Variants in ZMYND19 observed in about 807,000 individuals in gnomAD.
The protein encoded by ZMYND19 is zinc finger MYND domain-containing protein 19.
A neutral mutation model predicts 32.0 loss-of-function variants in ZMYND19; 17 were observed. The observed-to-expected ratio is 0.53, with a 90% CI of 0.36 to 0.80. ZMYND19 has a LOEUF of 0.80. ZMYND19 is among the 30% of genes least tolerant of loss of function. The probability of loss-of-function intolerance (pLI) is 0.00; values close to 1 mark genes in which losing one functional copy is unlikely to be tolerated. For synonymous variants in ZMYND19, 124 were observed against 113.6 expected, an observed-to-expected ratio of 1.09 and a Z score of -0.58; for missense variants, 250 against 293.6, an observed-to-expected ratio of 0.85 and a Z score of 1.09.
At chr9:137,588,065 G>A (rs1006209475) in intron 2 of ZMYND19, among the ~76,000 whole-genome samples, 1 of 152,196 alleles carries the variant, frequency 6.6e-6, no homozygotes, top group Non-Finnish European at 1.5e-5. Flanking sequence ...AAAATACAAT[G>A]GGACATAGAC....
In ZMYND19 at chr9:137,587,917, C is replaced by T. The variant is rs1842224612; in HGVS notation, c.112-94G>A. The T allele has an allele frequency of 3.2e-6, 4 of 1,268,098 alleles. No homozygotes were observed. The East Asian group carries it at 9.3e-5, about 29-fold the overall frequency. The allele number at this position is 1,268,098 out of a possible 1,614,324, so 78.6% of individuals were successfully genotyped here. A position where few individuals can be genotyped will look rare whatever the true frequency, so the allele number is the denominator to read the frequency against. On this transcript the variant is annotated intron_variant, in intron 2 of 5. Transcript: ENST00000298585. ...AGAAAAACCAAGTGAAACAAGCAAG[C>T]CAGAGGGACAAATGCCAGCCCTGTC...
rs1260824509 is a variant in ZMYND19, at chr9:137,590,046, ACCCGCGCGGGGCCAGCAGCCGGG to A, written c.51+144_51+166del. 13 of 983,640 alleles carry A rather than the reference ACCCGCGCGGGGCCAGCAGCCGGG, an allele frequency of 1.3e-5. No homozygotes were observed. Among genetic ancestry groups the A allele is most frequent in the Non-Finnish European group, 1.3e-5 (11 of 829,348 alleles). The allele number at this position is 983,640 out of a possible 1,614,324, so 60.9% of individuals were successfully genotyped here. On this transcript the variant is annotated intron_variant, in intron 1 of 5. Coordinates refer to ENST00000298585, the MANE Select transcript of ZMYND19 (RefSeq NM_138462.3). This position sits in a 1 kb window ranked among gnomAD's most constrained non-coding sequence, Gnocchi z 4.2. The stretch of plus-strand genomic sequence containing the variant: ...CCGCCGGCCTGCGAGAGGAAGCTGC[ACCCGCGCGGGGCCAGCAGCCGGG>A]CCCGCGCAGCGTCCCCCGCCCCGCT...
At chr9:137,582,853 G>A (rs1196306982) in intron 5 of ZMYND19, 130 bp downstream of exon 5, 12 of 1,508,578 alleles carry the variant, frequency 8.0e-6, no homozygotes, top group Non-Finnish European at 1.1e-5. Context: ...GACCACTCTG[G>A]TGGAAAAGCC....
In ZMYND19 at chr9:137,590,252, GA is replaced by G; in HGVS notation, c.11del (p.Phe4SerfsTer19). The part of the protein sequence containing the change: MTD[F>X]KLGIVRLGRV... ...GGCCGAGCCGCACGATACCCAATTT[GA>G]AGTCGGTCATGGCCGGGCCTGCGCT... On this transcript the variant is annotated frameshift_variant, in exon 1 of 6. Transcript: ENST00000298585. LOFTEE classifies it high-confidence loss of function. This position sits in a 1 kb window ranked among gnomAD's most constrained non-coding sequence, Gnocchi z 4.2. 1 of 1,157,656 alleles carries G rather than the reference GA, an allele frequency of 8.6e-7. No individual in the cohort carries two copies. The highest frequency in any genetic ancestry group is 1.1e-6 in the Non-Finnish European group (1 of 924,052). 71.7% of individuals were successfully genotyped at this position (1,157,656 alleles called of 1,614,324 possible).
At chr9:137,589,221 G>A (rs1421240225) in intron 1 of ZMYND19, 1 of 446,884 alleles carries the variant, frequency 2.2e-6, no homozygotes, top group Non-Finnish European at 3.0e-6. Context: ...CATGGGTGGA[G>A]TTAGAAGGGG....
At chr9:137,587,517 A>C (rs1406468848) in intron 3 of ZMYND19, 200 bp downstream of exon 3, 1 of 615,932 alleles carries the variant, frequency 1.6e-6, no homozygotes, top group East Asian at 2.7e-5. Context: ...CTCCCAGCAG[A>C]AAGTCCACTT....
chr9:137,586,026 T>G (rs1245319705), intron 4 of ZMYND19, among the ~76,000 whole-genome samples: 1 of 152,206 alleles, frequency 6.6e-6, no homozygotes, highest in Non-Finnish European at 1.5e-5. Flanking sequence ...TGCTGGTCCC[T>G]TGGCTCTTCC....
At position 137,582,491 on chromosome 9, in the gene ZMYND19, T is replaced by C. The variant is rs1842157821; in HGVS notation, c.*52A>G. 8.2e-6 allele frequency: 13 copies of C among 1,581,402 alleles called. No homozygotes were observed. Among genetic ancestry groups the C allele is most frequent in the Non-Finnish European group, 1.1e-5 (13 of 1,163,076 alleles). On this transcript the variant is annotated 3_prime_UTR_variant, in exon 6 of 6. Transcript: ENST00000298585. ...GGTTCAACCACCAGTCTGTCTCTGC[T>C]GTGCCCAGGGTAGAGCCCGGGGGCT...
Position 137,588,648 on chromosome 9 carries a change from T to A in ZMYND19, c.111+11A>T. The A allele has an allele frequency of 1.9e-6, 3 of 1,614,136 alleles. No individual in the cohort carries two copies. Among genetic ancestry groups the A allele is most frequent in the Non-Finnish European group, 2.5e-6 (3 of 1,179,974 alleles). ...CGAGCATCAGGGGAGGGAACAGCCA[T>A]CCTTACTTACCTCAAAGGAGTAGCT... On this transcript the variant is annotated intron_variant, in intron 2 of 5. Coordinates refer to ENST00000298585, the MANE Select transcript of ZMYND19 (RefSeq NM_138462.3).
chr9:137,586,015 C>T (rs1842200158), intron 4 of ZMYND19, among the ~76,000 whole-genome samples: 1 of 152,244 alleles, frequency 6.6e-6, no homozygotes, highest in Non-Finnish European at 1.5e-5. Context: ...AACCCCTATC[C>T]TGCTGGTCCC....
intron 2 of ZMYND19, among the ~76,000 whole-genome samples, chr9:137,588,219 G>A (rs1421002049): frequency 6.6e-6 from 1 of 152,234 alleles, no homozygotes; most frequent in Non-Finnish European, 1.5e-5. Context: ...TGGAAGCTGG[G>A]AAGAGGCAGG....
chr9:137,590,039 A>C lies in ZMYND19; in HGVS notation c.51+174T>G. The C allele has an allele frequency of 8.1e-6, 8 of 984,158 alleles. No individual in the cohort carries two copies. The highest frequency in any genetic ancestry group is 9.6e-6 in the Non-Finnish European group (8 of 829,482). 61.0% of individuals were successfully genotyped at this position (984,158 alleles called of 1,614,324 possible). ...TGCGTGCCCGCCGGCCTGCGAGAGG[A>C]AGCTGCACCCGCGCGGGGCCAGCAG... On this transcript the variant is annotated intron_variant, in intron 1 of 5. Transcript: ENST00000298585. This position sits in a 1 kb window ranked among gnomAD's most constrained non-coding sequence, Gnocchi z 4.2.
At chr9:137,588,602 G>T in intron 2 of ZMYND19, 57 bp downstream of exon 2, 5 of 1,590,974 alleles carry the variant, frequency 3.1e-6, no homozygotes, top group Non-Finnish European at 4.3e-6. Context: ...CGTTCCTCGT[G>T]ACCCTCCTGG....
In ZMYND19 at chr9:137,590,090, C is replaced by T. The variant is rs1215918128; in HGVS notation, c.51+123G>A. On this transcript the variant is annotated intron_variant, in intron 1 of 5. Transcript: ENST00000298585. This position sits in a 1 kb window ranked among gnomAD's most constrained non-coding sequence, Gnocchi z 4.2. Reference sequence around the variant, plus strand: ...CCGGGCCCGCGCAGCGTCCCCCGCCCCGCTGGGGCCCATCCCGGGCTCCGC... The same window carrying T: ...CCGGGCCCGCGCAGCGTCCCCCGCCTCGCTGGGGCCCATCCCGGGCTCCGC... 6 of 982,756 alleles carry T rather than the reference C, an allele frequency of 6.1e-6. No individual in the cohort carries two copies. Among genetic ancestry groups the T allele is most frequent in the Non-Finnish European group, 7.2e-6 (6 of 828,858 alleles). The allele number at this position is 982,756 out of a possible 1,614,324, so 60.9% of individuals were successfully genotyped here.
intron 1 of ZMYND19, chr9:137,589,320 C>A: frequency 2.0e-6 from 2 of 985,120 alleles, no homozygotes; most frequent in Non-Finnish European, 2.4e-6. Context: ...GCTCTTGCAG[C>A]AGGGGCAGGA....
chr9:137,583,596 C>T (rs1195606097), intron 4 of ZMYND19, among the ~76,000 whole-genome samples: 2 of 152,230 alleles, frequency 1.3e-5, no homozygotes, highest in Non-Finnish European at 2.9e-5. Context: ...ATGCCTACAA[C>T]GGGAGAGTTC....
intron 5 of ZMYND19, 55 bp from the exon 6 acceptor site, chr9:137,582,741 C>T: frequency 6.3e-7 from 1 of 1,591,444 alleles, no homozygotes; most frequent in South Asian, 1.1e-5. Context: ...CAGTGTGGGG[C>T]AAAGGCTGCG....
Position 137,587,041 on chromosome 9 carries a change from G to A in ZMYND19, c.285C>T (p.Asp95=), listed in dbSNP as rs1276405451. Residue 95 remains aspartate, a synonymous_variant, in exon 4 of 6, where the codon GAC becomes GAT. Coordinates refer to ENST00000298585, the MANE Select transcript of ZMYND19 (RefSeq NM_138462.3). ...CCAGTTGCAGGTTGTCCAGGCGATT[G>A]TCCACGGTCACAGCGTTGAGGTGCA... is the stretch of plus-strand genomic sequence containing the variant. ...QVVHLNAVTV[D]NRLDNLQLVP... 6 of 1,611,878 alleles carry A rather than the reference G, an allele frequency of 3.7e-6. No homozygotes were observed. Among genetic ancestry groups the A allele is most frequent in the Non-Finnish European group, 5.1e-6 (6 of 1,180,028 alleles).
At position 137,587,819 on chromosome 9, in the gene ZMYND19, C is replaced by A; in HGVS notation, c.116G>T (p.Arg39Leu). 6.2e-7 allele frequency: 1 copy of A among 1,614,040 alleles called. No homozygotes were observed. Among genetic ancestry groups the A allele is most frequent in the Non-Finnish European group, 8.5e-7 (1 of 1,179,956 alleles). ...PLVESYSFEARMEVDADGNGA... is the reference protein window; with the variant it reads ...PLVESYSFEALMEVDADGNGA... ...ATTTCCATCTGCATCCACTTCCATT[C>A]GGGCCTGAGAAGGAACAAGGGAAAG... The change falls in exon 3 of 6, where the codon CGA (arginine) becomes CTA (leucine). Residue 39 changes from arginine (R) to leucine (L), a missense_variant. Coordinates refer to ENST00000298585, the MANE Select transcript of ZMYND19 (RefSeq NM_138462.3).
Sources: gnomAD v4.1 joint callset for allele counts (sites outside exome capture counted in the v4.1 genomes callset) on GRCh38, gnomAD v4.1.1 for gene constraint, Gnocchi (gnomAD v3.1) non-coding constraint, MANE v1.5 for transcripts, NCBI Gene and HGNC (gene_info 2026-07-23, HGNC 2026-07-21) for gene names.